WDR70: variants seen among roughly 807,000 people sequenced by gnomAD.
The protein encoded by WDR70 is WD repeat domain 70, also known as WD repeat-containing protein 70.
A neutral mutation model predicts 88.6 loss-of-function variants in WDR70; 53 were observed. That is an observed-to-expected ratio of 0.60 (90% CI 0.48 to 0.75). WDR70 has a LOEUF of 0.75. WDR70 is among the 30% of genes least tolerant of loss of function. The pLI, the probability that WDR70 is intolerant of heterozygous loss-of-function variation, is 0.00. For synonymous variants in WDR70, 280 were observed against 270.0 expected, an observed-to-expected ratio of 1.04 and a Z score of -0.36; for missense variants, 610 against 823.2, an observed-to-expected ratio of 0.74 and a Z score of 3.17.
At chr5:37,718,053 T>C (rs1419441996) in intron 13 of WDR70, among the ~76,000 whole-genome samples, 1 of 152,218 alleles carries the variant, frequency 6.6e-6, no homozygotes, top group Non-Finnish European at 1.5e-5. Context: ...CATGGGGCTC[T>C]GGAATGACTG....
rs149803901 is a variant in WDR70, at chr5:37,668,916, C to T, written c.1093-28739C>T. Among the ~76,000 whole-genome samples, 9 of 152,282 alleles carry T rather than the reference C, an allele frequency of 5.9e-5. No individual in the cohort carries two copies. In the East Asian group the frequency reaches 1.7e-3, roughly 29 times the overall value. ...AATCCCAGTGGTTGCAATAGTGAAC[C>T]TGGACTGAAAGTAGAGAACCCTCCT... On this transcript the variant is annotated intron_variant, in intron 10 of 17. Transcript: ENST00000265107.
rs58402399 is a variant in WDR70, at chr5:37,701,785, C to CA, written c.1277+664dup. On this transcript the variant is annotated intron_variant, in intron 12 of 17. Transcript: ENST00000265107. ...TGGGGGACAGAGCCAGACTCCATCTCAAAAAAAAAAAAAAAAAAAAATTGA... is the reference window on the plus strand; with the variant it reads ...TGGGGGACAGAGCCAGACTCCATCTCAAAAAAAAAAAAAAAAAAAAAATTGA... Among the ~76,000 whole-genome samples, 564 of 114,990 alleles carry CA rather than the reference C, an allele frequency of 4.9e-3. 3 individuals are homozygous for CA. The highest frequency in any genetic ancestry group is 0.01 in the East Asian group (42 of 4,078). The allele number at this position is 114,990 out of a possible 152,430, so 75.4% of individuals were successfully genotyped here.
chr5:37,623,963 C>G (rs1272217968), intron 10 of WDR70, among the ~76,000 whole-genome samples: 2 of 152,020 alleles, frequency 1.3e-5, no homozygotes, highest in African/African-American at 4.8e-5. Context: ...TTCACTGTTA[C>G]GTTTTATTTG....
chr5:37,748,434 C>T (rs543281126), intron 17 of WDR70, among the ~76,000 whole-genome samples: 1 of 152,308 alleles, frequency 6.6e-6, no homozygotes, highest in African/African-American at 2.4e-5. Context: ...AACTGGACCC[C>T]TTCCTTATAC....
intron 13 of WDR70, 118 bp from the exon 14 acceptor site, chr5:37,720,997 T>C: frequency 1.2e-6 from 1 of 826,062 alleles, no homozygotes; most frequent in East Asian, 2.5e-5. Flanking sequence ...TGTCTGAAAG[T>C]TAGAGGTAAA....
chr5:37,511,254 CTTTG>C (rs907958368), intron 8 of WDR70, among the ~76,000 whole-genome samples: 21 of 152,032 alleles, frequency 1.4e-4, no homozygotes, highest in African/African-American at 4.1e-4. Flanking sequence ...AAAGGAAGAG[CTTTG>C]TTTGTTTGTA....
chr5:37,396,501 T>C lies in WDR70; in HGVS notation c.423T>C (p.Pro141=), dbSNP rs1202689782. Residue 141 remains proline (P), a synonymous_variant, in exon 5 of 18, where the codon CCT becomes CCC. Transcript: ENST00000265107. ...TTATGGAGGAAGATATCCTCGGTCC[T>C]TTACCTCCACCTCTTAATGAAGAAG... is the stretch of plus-strand genomic sequence containing the variant. ...VNFMEEDILG[P]LPPPLNEEEE... The C allele has an allele frequency of 1.2e-6, 2 of 1,613,814 alleles. No individual in the cohort carries two copies. The highest frequency in any genetic ancestry group is 1.7e-6 in the Non-Finnish European group (2 of 1,180,008).
rs1190025181 is a variant in WDR70, at chr5:37,745,263, GCTC to G, written c.1878-7220_1878-7218del. Among the ~76,000 whole-genome samples the G allele has an allele frequency of 7.2e-5, 11 of 151,940 alleles. No individual in the cohort carries two copies. In the South Asian group the frequency reaches 1.0e-3, roughly 14 times the overall value. ...TTACCACGAGGCCTGCACTGCAAGAGCTCCTGAAAGAAGCACTAAATATGGAAA... is the reference window on the plus strand; with the variant it reads ...TTACCACGAGGCCTGCACTGCAAGAGCTGAAAGAAGCACTAAATATGGAAA... On this transcript the variant is annotated intron_variant, in intron 17 of 17. Coordinates refer to ENST00000265107, the MANE Select transcript of WDR70 (RefSeq NM_018034.4).
intron 7 of WDR70, among the ~76,000 whole-genome samples, chr5:37,463,772 A>T (rs187880665): frequency 7.0e-4 from 106 of 152,212 alleles, no homozygotes; most frequent in African/African-American, 2.4e-3. Flanking sequence ...CAGCCCCTTT[A>T]ATTCTCCTTA....
At chr5:37,628,201 G>T (rs986583760) in intron 10 of WDR70, among the ~76,000 whole-genome samples, 1 of 152,176 alleles carries the variant, frequency 6.6e-6, no homozygotes, top group Non-Finnish European at 1.5e-5. Context: ...GGGTTTACAG[G>T]CATAAGCCTC....
chr5:37,448,991 C>A (rs866331488), intron 7 of WDR70, among the ~76,000 whole-genome samples: 1 of 152,148 alleles, frequency 6.6e-6, no homozygotes, highest in African/African-American at 2.4e-5. Flanking sequence ...TACATCATAT[C>A]GGGGTACTTC....
chr5:37,493,546 A>G (rs907006225), intron 8 of WDR70, among the ~76,000 whole-genome samples: 2 of 152,196 alleles, frequency 1.3e-5, no homozygotes, highest in Non-Finnish European at 2.9e-5. Context: ...CAGAACCTCT[A>G]GAAAATAGTA....
intron 10 of WDR70, among the ~76,000 whole-genome samples, chr5:37,673,351 T>G (rs911664741): frequency 1.3e-5 from 2 of 152,174 alleles, no homozygotes; most frequent in African/African-American, 4.8e-5. Context: ...TGAACAGTGT[T>G]GCAGTGAACA....
intron 9 of WDR70, among the ~76,000 whole-genome samples, chr5:37,586,555 C>G (rs1743369757): frequency 1.3e-5 from 2 of 152,208 alleles, no homozygotes; most frequent in East Asian, 3.9e-4. Context: ...GCTCTCCCTC[C>G]CCTAGCCCCC....
intron 14 of WDR70, chr5:37,721,527 G>A: frequency 3.3e-6 from 1 of 299,304 alleles, no homozygotes; most frequent in Non-Finnish European, 6.4e-6. Context: ...GGCATTAGCA[G>A]TGATACATGT....
At chr5:37,380,788 C>A (rs781453507) in intron 2 of WDR70, among the ~76,000 whole-genome samples, 2 of 152,262 alleles carry the variant, frequency 1.3e-5, no homozygotes, top group East Asian at 3.9e-4. Flanking sequence ...GCTGGGACCA[C>A]AGATGTGTGC....
Position 37,441,889 on chromosome 5 carries a change from C to G in WDR70, c.553-1350C>G, listed in dbSNP as rs546244273. ...TGTATAGTAATCGCATTAAATATTC[C>G]TAATGCAGTTCTTTTCTTCTTAGAG... On this transcript the variant is annotated intron_variant, in intron 6 of 17. Coordinates refer to ENST00000265107, the MANE Select transcript of WDR70 (RefSeq NM_018034.4). 1.3e-3 allele frequency among the ~76,000 whole-genome samples: 194 copies of G among 152,180 alleles called. 4 individuals are homozygous for G. In the South Asian group the frequency reaches 0.04, roughly 31 times the overall value.
intron 7 of WDR70, among the ~76,000 whole-genome samples, chr5:37,473,766 C>T (rs1409024061): frequency 2.6e-5 from 4 of 152,154 alleles, no homozygotes; most frequent in African/African-American, 4.8e-5. Context: ...TCTTGCCTTC[C>T]TGGAGTACAT....
In WDR70 at chr5:37,659,976, A is replaced by G. The variant is rs185373362; in HGVS notation, c.1093-37679A>G. Among the ~76,000 whole-genome samples, 67 of 152,312 alleles carry G rather than the reference A, an allele frequency of 4.4e-4. 1 individual carries two copies. In the Middle Eastern group the frequency reaches 0.01, roughly 23 times the overall value. On this transcript the variant is annotated intron_variant, in intron 10 of 17. Transcript: ENST00000265107. Reference sequence around the variant, plus strand: ...TTTGATATTTTATGTTTATGTTTTCAGTGAGTAAATATTTATGTCAAAATA... The same window carrying G: ...TTTGATATTTTATGTTTATGTTTTCGGTGAGTAAATATTTATGTCAAAATA...
Sources: allele counts gnomAD v4.1 joint callset (sites outside exome capture counted in the v4.1 genomes callset), GRCh38; gene constraint gnomAD v4.1.1; transcripts MANE v1.5; gene names NCBI Gene and HGNC (gene_info 2026-07-23, HGNC 2026-07-21).